TBCD: variants seen among roughly 807,000 people sequenced by gnomAD.
TBCD encodes tubulin folding cofactor D, also known as tubulin-specific chaperone D.
Under a neutral mutation model 169.3 loss-of-function variants are expected in TBCD, and 105 were observed. The ratio of observed to expected loss-of-function variants is 0.62; its 90% CI spans 0.53 to 0.73. The LOEUF is 0.73. TBCD is among the 30% of genes least tolerant of loss of function. The probability of loss-of-function intolerance (pLI) is 0.00; values close to 1 mark genes in which losing one functional copy is unlikely to be tolerated. For missense variants in TBCD, 1,444 were observed against 1,600.1 expected, an observed-to-expected ratio of 0.90 and a Z score of 1.66; for synonymous variants, 700 against 643.9, an observed-to-expected ratio of 1.09 and a Z score of -1.32.
At chr17:82,810,680 A>G (rs1401692047) in intron 12 of TBCD, among the ~76,000 whole-genome samples, 1 of 152,188 alleles carries the variant, frequency 6.6e-6, no homozygotes, top group Non-Finnish European at 1.5e-5. Context: ...GCTTGTGTAA[A>G]TGTCTCTCCC....
At chr17:82,753,562 T>C (rs1175090243) in intron 1 of TBCD, among the ~76,000 whole-genome samples, 1 of 150,774 alleles carries the variant, frequency 6.6e-6, no homozygotes, top group Non-Finnish European at 1.5e-5. Context: ...GTTCAAGCTA[T>C]TCTCCTGTCT....
chr17:82,881,718 C>T (rs921683044), intron 14 of TBCD, among the ~76,000 whole-genome samples: 2 of 152,324 alleles, frequency 1.3e-5, no homozygotes, highest in Admixed American at 1.3e-4. Flanking sequence ...GAAAATGCAC[C>T]TGGTGGTTTG....
At chr17:82,883,916 C>T (rs972228277) in intron 14 of TBCD, among the ~76,000 whole-genome samples, 2 of 152,096 alleles carry the variant, frequency 1.3e-5, no homozygotes, top group African/African-American at 2.4e-5. Flanking sequence ...TCGTGGCTCT[C>T]GTTAGAACCA....
At chr17:82,769,663 G>A (rs960298475) in intron 5 of TBCD, among the ~76,000 whole-genome samples, 1 of 152,126 alleles carries the variant, frequency 6.6e-6, no homozygotes, top group African/African-American at 2.4e-5. Flanking sequence ...GATCACGTGA[G>A]GTTAGGACTT....
At chr17:82,752,852 G>C (rs1019523934) in intron 1 of TBCD, among the ~76,000 whole-genome samples, 2 of 152,184 alleles carry the variant, frequency 1.3e-5, no homozygotes, top group Non-Finnish European at 2.9e-5. Context: ...AGAGGGGGAC[G>C]CAGGGAACAA....
chr17:82,815,033 C>T, intron 13 of TBCD, 99 bp downstream of exon 13: 1 of 1,553,954 alleles, frequency 6.4e-7, no homozygotes, highest in Non-Finnish European at 8.7e-7. Flanking sequence ...TGGTGAGTAG[C>T]TGAAGCACGG....
intron 14 of TBCD, among the ~76,000 whole-genome samples, chr17:82,872,705 T>C (rs567843312): frequency 3.4e-4 from 52 of 152,392 alleles, no homozygotes; most frequent in African/African-American, 1.2e-3. Context: ...TTCCTTACGT[T>C]GATATCTCAT....
chr17:82,931,213 T>A (rs2062172330), intron 33 of TBCD, among the ~76,000 whole-genome samples: 1 of 152,208 alleles, frequency 6.6e-6, no homozygotes, highest in Non-Finnish European at 1.5e-5. Context: ...GGGCGGGGCC[T>A]CGGCAGCCTC....
intron 13 of TBCD, among the ~76,000 whole-genome samples, chr17:82,840,755 A>ACC (rs150514287): frequency 8.6e-5 from 13 of 150,846 alleles, no homozygotes; most frequent in African/African-American, 3.2e-4. Flanking sequence ...TTACCTCCAC[A>ACC]CCCCCCCACC....
At chr17:82,753,944 TGCAACCTCC>T (rs369931151) in intron 1 of TBCD, among the ~76,000 whole-genome samples, 1,858 of 148,382 alleles carry the variant, frequency 0.013, 54 homozygotes, top group African/African-American at 0.044. Context: ...CTCAGCTCAC[TGCAACCTCC>T]ACAACCTCCA....
In TBCD at chr17:82,884,314, G is replaced by A; in HGVS notation, c.1533+112G>A. The A allele has an allele frequency of 3.0e-6, 3 of 1,015,272 alleles. No individual in the cohort carries two copies. Among genetic ancestry groups the A allele is most frequent in the African/African-American group, 1.6e-5 (1 of 62,794 alleles). 62.9% of individuals were successfully genotyped at this position (1,015,272 alleles called of 1,614,324 possible). The stretch of plus-strand genomic sequence containing the variant: ...GCCAGCTCACCCATCCACAGCAGGA[G>A]CCGCGAGGGAGCTGCTGAGAGTGCC... On this transcript the variant is annotated intron_variant, in intron 15 of 38. Coordinates refer to ENST00000355528, the MANE Select transcript of TBCD (RefSeq NM_005993.5). This position sits in a 1 kb window ranked among gnomAD's most constrained non-coding sequence, Gnocchi z 4.2.
In TBCD at chr17:82,806,035, C is replaced by T. The variant is rs2050934412; in HGVS notation, c.1087+24C>T. Reference sequence around the variant, plus strand: ...AGGTGCGTGGGGTCTAAGCGGCGGCCTCTGCTCTTGGGCACCGTCGGGCCA... The same window carrying T: ...AGGTGCGTGGGGTCTAAGCGGCGGCTTCTGCTCTTGGGCACCGTCGGGCCA... On this transcript the variant is annotated intron_variant, in intron 10 of 38. Coordinates refer to ENST00000355528, the MANE Select transcript of TBCD (RefSeq NM_005993.5). This position sits in a 1 kb window ranked among gnomAD's most constrained non-coding sequence, Gnocchi z 5.1. 4 of 1,605,340 alleles carry T rather than the reference C, an allele frequency of 2.5e-6. No individual in the cohort carries two copies. Among genetic ancestry groups the T allele is most frequent in the Non-Finnish European group, 1.7e-6 (2 of 1,173,110 alleles).
intron 13 of TBCD, among the ~76,000 whole-genome samples, chr17:82,861,383 C>T (rs1352235022): frequency 4.2e-5 from 2 of 47,814 alleles, no homozygotes; most frequent in South Asian, 1.2e-3. Flanking sequence ...TGCTGGTTCA[C>T]GTCAGCTGCT....
intron 19 of TBCD, among the ~76,000 whole-genome samples, chr17:82,904,487 A>T (rs1237770255): frequency 6.6e-6 from 1 of 152,268 alleles, no homozygotes; most frequent in African/African-American, 2.4e-5. Context: ...CCCAGGACTA[A>T]CATCACCTTG....
chr17:82,811,679 G>A (rs765778298), intron 12 of TBCD, among the ~76,000 whole-genome samples: 12 of 151,892 alleles, frequency 7.9e-5, no homozygotes, highest in African/African-American at 2.7e-4. Flanking sequence ...TTTCCCTTTC[G>A]CTGGGTGCTC....
intron 14 of TBCD, among the ~76,000 whole-genome samples, chr17:82,881,263 A>G (rs1039595303): frequency 4.6e-5 from 7 of 152,226 alleles, no homozygotes; most frequent in Non-Finnish European, 8.8e-5. Context: ...TTGTCCCTGC[A>G]ATAAGCAAAC....
At chr17:82,931,214 C>T (rs574869484) in intron 33 of TBCD, among the ~76,000 whole-genome samples, 18 of 152,344 alleles carry the variant, frequency 1.2e-4, no homozygotes, top group South Asian at 6.2e-4. Flanking sequence ...GGCGGGGCCT[C>T]GGCAGCCTCT....
intron 11 of TBCD, 143 bp downstream of exon 11, chr17:82,807,811 G>C: frequency 1.8e-6 from 1 of 552,634 alleles, no homozygotes; most frequent in Non-Finnish European, 2.8e-6. Flanking sequence ...GTTGCTTTAC[G>C]TGTTGGCGTG....
At chr17:82,836,027 CA>C (rs1421707873) in intron 13 of TBCD, among the ~76,000 whole-genome samples, 3 of 152,370 alleles carry the variant, frequency 2.0e-5, no homozygotes, top group Admixed American at 6.5e-5. Context: ...AGCTACAAGG[CA>C]CCGGGTCAAG....
Sources: gnomAD v4.1 joint callset for allele counts (sites outside exome capture counted in the v4.1 genomes callset) on GRCh38, gnomAD v4.1.1 for gene constraint, Gnocchi (gnomAD v3.1) non-coding constraint, MANE v1.5 for transcripts, NCBI Gene and HGNC (gene_info 2026-07-23, HGNC 2026-07-21) for gene names.